THSD4: variants seen among roughly 807,000 people sequenced by gnomAD.
THSD4 encodes thrombospondin type-1 domain-containing protein 4.
THSD4 carries 69 observed loss-of-function variants against 119.0 expected under a neutral mutation model. The ratio of observed to expected loss-of-function variants is 0.58; its 90% CI spans 0.48 to 0.71. The LOEUF (loss-of-function observed/expected upper bound fraction) is 0.71, where lower values mean the gene tolerates loss of function less well. THSD4 is among the 30% of genes least tolerant of loss of function. The pLI, the probability that THSD4 is intolerant of heterozygous loss-of-function variation, is 0.00. For synonymous variants in THSD4, 524 were observed against 540.4 expected, an observed-to-expected ratio of 0.97 and a Z score of 0.42; for missense variants, 1,393 against 1,391.1, an observed-to-expected ratio of 1.00 and a Z score of -0.02.
intron 6 of THSD4, chr15:71,348,052 T>C (rs1432421993): frequency 1.3e-5 from 2 of 152,202 alleles, no homozygotes; most frequent in African/African-American, 2.4e-5. Context: ...TGTTTGAAAC[T>C]GAGACTATTT....
At chr15:71,482,901 T>C (rs2047755143) in intron 7 of THSD4, among the ~76,000 whole-genome samples, 1 of 152,124 alleles carries the variant, frequency 6.6e-6, no homozygotes, top group Admixed American at 6.5e-5. Flanking sequence ...CTGTAACTTT[T>C]AATAGGAAAG....
At chr15:71,324,749 G>A (rs974151822) in intron 6 of THSD4, among the ~76,000 whole-genome samples, 1 of 152,162 alleles carries the variant, frequency 6.6e-6, no homozygotes, top group Non-Finnish European at 1.5e-5. Context: ...TTACAATCGT[G>A]AATTGTGCTG....
chr15:71,404,247 A>G (rs2046576064), intron 6 of THSD4, among the ~76,000 whole-genome samples: 1 of 152,028 alleles, frequency 6.6e-6, no homozygotes, highest in African/African-American at 2.4e-5. Flanking sequence ...ACTCCACATT[A>G]TCCCCTCTCT....
intron 6 of THSD4, among the ~76,000 whole-genome samples, chr15:71,350,932 C>A (rs371010027): frequency 3.9e-5 from 6 of 152,178 alleles, no homozygotes; most frequent in African/African-American, 1.4e-4. Context: ...TTAAGCTGAC[C>A]TGATACATGA....
At chr15:71,191,473 GTTAA>G (rs1328876354) in intron 3 of THSD4, among the ~76,000 whole-genome samples, 1 of 152,194 alleles carries the variant, frequency 6.6e-6, no homozygotes, top group Non-Finnish European at 1.5e-5. Flanking sequence ...TTGCCCATCT[GTTAA>G]TTATTTGCTG....
At chr15:71,164,671 C>A in intron 3 of THSD4, 1 of 1,517,214 alleles carries the variant, frequency 6.6e-7, no homozygotes, top group Non-Finnish European at 8.8e-7. Flanking sequence ...AAATCTTACA[C>A]AGCCTTACAT....
chr15:71,655,126 A>G (rs2051164434), intron 7 of THSD4, among the ~76,000 whole-genome samples: 1 of 152,252 alleles, frequency 6.6e-6, no homozygotes, highest in South Asian at 2.1e-4. Context: ...TGGAAAAAAT[A>G]CAAAGGACAT....
At chr15:71,108,931 G>T (rs796068932) in intron 1 of THSD4, among the ~76,000 whole-genome samples, 12 of 152,316 alleles carry the variant, frequency 7.9e-5, no homozygotes, top group African/African-American at 2.9e-4. Flanking sequence ...GGCGGAGGTT[G>T]CAGTGAGCCA....
At chr15:71,763,287 G>A (rs998169337) in intron 15 of THSD4, among the ~76,000 whole-genome samples, 2 of 151,970 alleles carry the variant, frequency 1.3e-5, no homozygotes, top group Non-Finnish European at 2.9e-5. Context: ...TTGTGTGGCT[G>A]CCTATGGACA....
At chr15:71,512,052 T>C (rs754929441) in intron 7 of THSD4, among the ~76,000 whole-genome samples, 1 of 152,214 alleles carries the variant, frequency 6.6e-6, no homozygotes, top group Non-Finnish European at 1.5e-5. Flanking sequence ...ACAGAGACCT[T>C]TCTCTGGCTT....
intron 14 of THSD4, among the ~76,000 whole-genome samples, chr15:71,753,226 G>C (rs2053481606): frequency 6.6e-6 from 1 of 152,146 alleles, no homozygotes; most frequent in African/African-American, 2.4e-5. Context: ...TCAGCTGCTT[G>C]TACTTGAGAG....
chr15:71,725,623 A>G lies in THSD4; in HGVS notation c.1358-2926A>G, dbSNP rs147399038. Among the ~76,000 whole-genome samples, 5 of 152,234 alleles carry G rather than the reference A, an allele frequency of 3.3e-5. No homozygotes were observed. The East Asian group carries it at 9.7e-4, about 29-fold the overall frequency. Reference sequence around the variant, plus strand: ...TTTCAAATAGGATGGAATAGTGCCAAGTGCTGCCGAGACATCTGAAAAGAG... The same window carrying G: ...TTTCAAATAGGATGGAATAGTGCCAGGTGCTGCCGAGACATCTGAAAAGAG... On this transcript the variant is annotated intron_variant, in intron 8 of 17. Transcript: ENST00000261862.
chr15:71,397,038 C>G (rs961555784), intron 6 of THSD4, among the ~76,000 whole-genome samples: 1 of 152,192 alleles, frequency 6.6e-6, no homozygotes, highest in African/African-American at 2.4e-5. Context: ...CTTCCCAGGA[C>G]TCTAGACAAG....
chr15:71,564,032 A>G (rs1007293602), intron 7 of THSD4, among the ~76,000 whole-genome samples: 4 of 152,218 alleles, frequency 2.6e-5, no homozygotes, highest in African/African-American at 2.4e-5. Context: ...TATATTAAAA[A>G]CTAAATAGTT....
At chr15:71,472,297 T>C (rs919603111) in intron 7 of THSD4, among the ~76,000 whole-genome samples, 1 of 152,244 alleles carries the variant, frequency 6.6e-6, no homozygotes, top group Admixed American at 6.5e-5. Context: ...GATTTCATGC[T>C]TATAAACTTA....
chr15:71,524,420 G>A (rs1409194153), intron 7 of THSD4, among the ~76,000 whole-genome samples: 2 of 152,096 alleles, frequency 1.3e-5, no homozygotes, highest in Non-Finnish European at 2.9e-5. Flanking sequence ...GTTTCACCCA[G>A]TGTGCCAACT....
At chr15:71,263,137 G>T (rs2044420912) in intron 6 of THSD4, among the ~76,000 whole-genome samples, 1 of 151,744 alleles carries the variant, frequency 6.6e-6, no homozygotes, top group South Asian at 2.1e-4. Flanking sequence ...CCCTCTGATA[G>T]GCTCCAGTGT....
chr15:71,628,459 C>G (rs2050550217), intron 7 of THSD4, among the ~76,000 whole-genome samples: 1 of 152,120 alleles, frequency 6.6e-6, no homozygotes, highest in South Asian at 2.1e-4. Flanking sequence ...AATCAAGGAG[C>G]AGAACGGGAA....
At chr15:71,414,816 A>G (rs914412095) in intron 7 of THSD4, among the ~76,000 whole-genome samples, 4 of 152,218 alleles carry the variant, frequency 2.6e-5, no homozygotes, top group Non-Finnish European at 5.9e-5. Flanking sequence ...ATGTGAGTAT[A>G]TTAATAGGGT....
Sources: gnomAD v4.1 joint callset for allele counts (sites outside exome capture counted in the v4.1 genomes callset) on GRCh38, gnomAD v4.1.1 for gene constraint, MANE v1.5 for transcripts, NCBI Gene and HGNC (gene_info 2026-07-23, HGNC 2026-07-21) for gene names.